IDH3A: variants seen among roughly 807,000 people sequenced by gnomAD.
IDH3A encodes isocitrate dehydrogenase (NAD(+)) 3 catalytic subunit alpha.
A neutral mutation model predicts 43.3 loss-of-function variants in IDH3A; 23 were observed. The ratio of observed to expected loss-of-function variants is 0.53; its 90% CI spans 0.38 to 0.75. IDH3A has a LOEUF of 0.75. Ranked by LOEUF, IDH3A falls within the 30% of genes least tolerant of loss-of-function variation. The probability of loss-of-function intolerance (pLI) is 0.00; values close to 1 mark genes in which losing one functional copy is unlikely to be tolerated. For missense variants in IDH3A, 329 were observed against 474.4 expected (o/e 0.69, Z 2.85); for synonymous variants, 154 against 163.5 (o/e 0.94, Z 0.44).
intron 3 of IDH3A, among the ~76,000 whole-genome samples, chr15:78,158,463 A>ATATATATATAT (rs1212083496): frequency 3.0e-5 from 2 of 67,378 alleles, no homozygotes; most frequent in African/African-American, 1.1e-4. Flanking sequence ...ATATATATAT[A>ATATATATATAT]TTTTTTTTTT....
chr15:78,151,545 G>A (rs1046425627), intron 1 of IDH3A: 1 of 150,206 alleles, frequency 6.7e-6, no homozygotes, highest in Admixed American at 6.6e-5. Context: ...TCCTACCTGG[G>A]TAACAGCAAG....
At chr15:78,152,925 TG>T (rs990178428) in intron 1 of IDH3A, among the ~76,000 whole-genome samples, 9 of 152,042 alleles carry the variant, frequency 5.9e-5, no homozygotes, top group African/African-American at 1.9e-4. Context: ...ATTGTTGTTT[TG>T]TTTTTTTTTA....
intron 6 of IDH3A, among the ~76,000 whole-genome samples, chr15:78,163,142 C>T (rs1210687586): frequency 6.6e-6 from 1 of 152,144 alleles, no homozygotes; most frequent in African/African-American, 2.4e-5. Flanking sequence ...GTTTTCCTAA[C>T]CTAAGAAAAG....
Position 78,169,179 on chromosome 15 carries a change from C to T in IDH3A, c.*174C>T. The T allele has an allele frequency of 2.4e-6, 1 of 415,928 alleles. No individual in the cohort carries two copies. Among genetic ancestry groups the T allele is most frequent in the East Asian group, 3.5e-5 (1 of 28,636 alleles). 25.8% of individuals were successfully genotyped at this position (415,928 alleles called of 1,614,324 possible). ...AAGATGCAGGTGGATGTCCCTAGGT[C>T]TGTTTTCAAAGAACTTTTTCCAAGT... is the stretch of plus-strand genomic sequence containing the variant. On this transcript the variant is annotated 3_prime_UTR_variant, in exon 11 of 11. Transcript: ENST00000299518.
At chr15:78,154,188 GA>G (rs35197181) in intron 1 of IDH3A, among the ~76,000 whole-genome samples, 45,960 of 131,854 alleles carry the variant, frequency 0.35, 7,465 homozygotes, top group Middle Eastern at 0.45. Flanking sequence ...ATTGGAGAGA[GA>G]AAAAAAAAAA....
chr15:78,162,330 C>T lies in IDH3A; in HGVS notation c.574C>T (p.Arg192Trp), dbSNP rs201474168. ...FAFEYARNNH[R>W]SNVTAVHKAN... ...CTTTGAGTATGCCCGGAACAACCAC[C>T]GGAGCAACGTCACGGCGGTGCACAA... Residue 192 changes from arginine to tryptophan, a missense_variant, in exon 6 of 11, where the codon CGG becomes TGG. Physicochemically the swap from Arg to Trp is moderately radical, Grantham distance 101. This residue lies in a region of IDH3A where 212 missense variants were observed against 345.5 expected (regional missense o/e 0.61). Coordinates refer to ENST00000299518, the MANE Select transcript of IDH3A (RefSeq NM_005530.3). The T allele has an allele frequency of 2.5e-6, 4 of 1,614,050 alleles. No homozygotes were observed. Among genetic ancestry groups the T allele is most frequent in the Non-Finnish European group, 3.4e-6 (4 of 1,180,042 alleles).
intron 10 of IDH3A, chr15:78,168,350 A>G (rs1228350658): frequency 6.6e-6 from 1 of 152,044 alleles, no homozygotes; most frequent in Non-Finnish European, 1.5e-5. Flanking sequence ...TTAGTTGGGT[A>G]TGGTGGCATG....
intron 6 of IDH3A, among the ~76,000 whole-genome samples, chr15:78,162,675 C>T (rs1449072838): frequency 1.3e-5 from 2 of 151,628 alleles, no homozygotes; most frequent in Non-Finnish European, 2.9e-5. Flanking sequence ...CTTCCCGAGT[C>T]ACTGGGACTA....
chr15:78,157,017 G>C, intron 2 of IDH3A: 1 of 1,321,536 alleles, frequency 7.6e-7, no homozygotes, highest in Non-Finnish European at 9.9e-7. Context: ...GATTTTCCCT[G>C]AGTACCAAAA....
chr15:78,166,682 G>C (rs990301244), intron 10 of IDH3A, among the ~76,000 whole-genome samples: 17 of 152,014 alleles, frequency 1.1e-4, no homozygotes, highest in Non-Finnish European at 8.8e-5. Flanking sequence ...CCCAGGCTGG[G>C]GTGCAGTGTC....
At position 78,161,582 on chromosome 15, in the gene IDH3A, C is replaced by G; in HGVS notation, c.291C>G (p.Gly97=). ...SMDKNKMGLK[G]PLKTPIAAGH... ...TCTGGGTTTTCTTCTGTATAACAGG[C>G]CCTTTGAAGACCCCAATAGCAGCCG... is the stretch of plus-strand genomic sequence containing the variant. Residue 97 remains glycine (G), a splice_region_variant and synonymous_variant, in exon 5 of 11, where the codon GGC becomes GGG. Transcript: ENST00000299518. This position sits in a 1 kb window ranked among gnomAD's most constrained non-coding sequence, Gnocchi z 4.8. 6.2e-7 allele frequency: 1 copy of G among 1,612,016 alleles called. No homozygotes were observed. The highest frequency in any genetic ancestry group is 8.5e-7 in the Non-Finnish European group (1 of 1,179,614).
intron 1 of IDH3A, among the ~76,000 whole-genome samples, chr15:78,154,010 CAA>C (rs78387196): frequency 7.0e-6 from 1 of 142,256 alleles, no homozygotes. Flanking sequence ...AACTCTGTCT[CAA>C]AAAAAAAAAA....
chr15:78,158,580 G>A (rs551890805), intron 3 of IDH3A, among the ~76,000 whole-genome samples: 4 of 136,644 alleles, frequency 2.9e-5, no homozygotes, highest in African/African-American at 8.3e-5. Flanking sequence ...GGGTTCAAGC[G>A]ATTCTCCTGT....
chr15:78,163,060 A>G (rs2074700959), intron 6 of IDH3A, among the ~76,000 whole-genome samples: 1 of 152,248 alleles, frequency 6.6e-6, no homozygotes, highest in Admixed American at 6.5e-5. Flanking sequence ...AGTGCTAACA[A>G]TACCTGATGT....
In IDH3A at chr15:78,162,305, C is replaced by T. The variant is rs752046637; in HGVS notation, c.549C>T (p.Ala183=). ...CGAGCAAGCGCATTGCTGAGTTTGC[C>T]TTTGAGTATGCCCGGAACAACCACC... ...EGASKRIAEF[A]FEYARNNHRS... Residue 183 remains alanine, a synonymous_variant, in exon 6 of 11, where the codon GCC becomes GCT. Coordinates refer to ENST00000299518, the MANE Select transcript of IDH3A (RefSeq NM_005530.3). The T allele has an allele frequency of 1.9e-6, 3 of 1,614,176 alleles. No individual in the cohort carries two copies. The highest frequency in any genetic ancestry group is 2.2e-5 in the South Asian group (2 of 91,088).
At chr15:78,159,494 A>G (rs1028526099) in intron 3 of IDH3A, among the ~76,000 whole-genome samples, 6 of 152,216 alleles carry the variant, frequency 3.9e-5, no homozygotes, top group Non-Finnish European at 7.3e-5. Flanking sequence ...TCTGTGAACC[A>G]TATTCCTCTG....
Position 78,171,430 on chromosome 15 carries a change from G to A in IDH3A, c.*2425G>A, listed in dbSNP as rs147470279. The A allele has an allele frequency of 1.2e-6, 2 of 1,610,716 alleles. No homozygotes were observed. The highest frequency in any genetic ancestry group is 1.3e-5 in the African/African-American group (1 of 74,986). On this transcript the variant is annotated 3_prime_UTR_variant, in exon 11 of 11. Transcript: ENST00000299518. ...TGCCCTCTATTCTATAGAAACTGCA[G>A]GCATAGGCCCTGATTACATTTTTTG...
chr15:78,159,255 C>T (rs1302983709), intron 3 of IDH3A, among the ~76,000 whole-genome samples: 1 of 152,150 alleles, frequency 6.6e-6, no homozygotes, highest in Non-Finnish European at 1.5e-5. Flanking sequence ...AACCCCATAC[C>T]CTATGCAGTC....
intron 2 of IDH3A, 50 bp downstream of exon 2, chr15:78,155,325 A>G: frequency 1.6e-6 from 2 of 1,237,088 alleles, no homozygotes; most frequent in Non-Finnish European, 1.2e-6. Flanking sequence ...TTTCTCAAGA[A>G]AGATGCTCTA....
Sources: allele counts gnomAD v4.1 joint callset (sites outside exome capture counted in the v4.1 genomes callset), GRCh38; gene constraint gnomAD v4.1.1; regional missense constraint gnomAD v4.1.1; non-coding constraint Gnocchi (gnomAD v3.1); transcripts MANE v1.5; gene names NCBI Gene and HGNC (gene_info 2026-07-23, HGNC 2026-07-21).